The following NTMT2 variants were observed in gnomAD, a reference collection of about 807,000 sequenced individuals.
NTMT2 encodes the protein X-Pro-Lys N-terminal protein methyltransferase 1B.
A neutral mutation model predicts 23.4 loss-of-function variants in NTMT2; 21 were observed. The observed-to-expected ratio is 0.90, with a 90% CI of 0.64 to 1.29. The LOEUF (loss-of-function observed/expected upper bound fraction) is 1.29, where lower values mean the gene tolerates loss of function less well. NTMT2 is among the 50% of genes most tolerant of loss of function. NTMT2 has a pLI of 0.00. For synonymous variants in NTMT2, 131 were observed against 127.7 expected, an observed-to-expected ratio of 1.03 and a Z score of -0.17; for missense variants, 336 against 352.0, an observed-to-expected ratio of 0.95 and a Z score of 0.36.
chr1:170,163,657 G>A (rs1673317207), intron 2 of NTMT2, among the ~76,000 whole-genome samples: 1 of 152,150 alleles, frequency 6.6e-6, no homozygotes, highest in Non-Finnish European at 1.5e-5. Flanking sequence ...ATATTTTATA[G>A]TTTTTACACA....
chr1:170,168,269 G>A lies in NTMT2; in HGVS notation c.*512G>A, dbSNP rs1465984964. On this transcript the variant is annotated 3_prime_UTR_variant, in exon 4 of 4. Coordinates refer to ENST00000439373, the MANE Select transcript of NTMT2 (RefSeq NM_001136107.2). ...AAAAAAAAAAAGAAAAAGAAACAAT[G>A]CCCACATATTCCAAACTGTCTTGTT... Among the ~76,000 whole-genome samples the A allele has an allele frequency of 6.8e-6, 1 of 147,386 alleles. No homozygotes were observed. The highest frequency in any genetic ancestry group is 1.5e-5 in the Non-Finnish European group (1 of 67,204).
chr1:170,162,602 T>C (rs1404111449), intron 2 of NTMT2, among the ~76,000 whole-genome samples: 1 of 152,228 alleles, frequency 6.6e-6, no homozygotes, highest in Non-Finnish European at 1.5e-5. Flanking sequence ...AGAGAGTCAA[T>C]CTGCTAAGCG....
chr1:170,146,177 C>T lies in NTMT2; in HGVS notation c.70C>T (p.His24Tyr), dbSNP rs1467389750. The T allele has an allele frequency of 6.4e-7, 1 of 1,551,308 alleles. No individual in the cohort carries two copies. Among genetic ancestry groups the T allele is most frequent in the Non-Finnish European group, 8.7e-7 (1 of 1,146,974 alleles). Residue 24 changes from histidine (H) to tyrosine (Y), a missense_variant, in exon 1 of 4, where the codon CAT (histidine) becomes TAT (tyrosine). His to Tyr is a moderately conservative substitution (Grantham distance 83). Transcript: ENST00000439373. ...GAAGACCGACGATGAACTCTGTAGA[C>T]ATAGCATGTCTTTTATCCTTCACAA... ...WQKTDDELCR[H>Y]SMSFILHKAI...
At chr1:170,151,337 G>T (rs1164077826) in intron 1 of NTMT2, 3 of 154,252 alleles carry the variant, frequency 1.9e-5, no homozygotes, top group Non-Finnish European at 4.4e-5. Context: ...ATCCTCTCTT[G>T]CGTTGATCCC....
chr1:170,160,428 C>G, intron 1 of NTMT2, 90 bp from the exon 2 acceptor site: 1 of 1,198,242 alleles, frequency 8.3e-7, no homozygotes, highest in Non-Finnish European at 1.1e-6. Flanking sequence ...AGCACAGATT[C>G]ACAGGCTTTT....
intron 1 of NTMT2, among the ~76,000 whole-genome samples, chr1:170,149,886 A>T (rs1028298500): frequency 1.3e-5 from 2 of 152,212 alleles, no homozygotes; most frequent in African/African-American, 4.8e-5. Context: ...AATTCAAAAT[A>T]TGAGAGTTTT....
chr1:170,165,170 A>T (rs1438307827), intron 2 of NTMT2, among the ~76,000 whole-genome samples: 2 of 152,148 alleles, frequency 1.3e-5, no homozygotes, highest in Non-Finnish European at 2.9e-5. Context: ...CTAGCACAAA[A>T]CCGCTTCAGC....
chr1:170,154,359 G>T (rs1286465760), intron 1 of NTMT2, among the ~76,000 whole-genome samples: 3 of 124,288 alleles, frequency 2.4e-5, no homozygotes, highest in Non-Finnish European at 5.7e-5. Flanking sequence ...CTATCAGAAG[G>T]GGGTCAACTG....
intron 2 of NTMT2, among the ~76,000 whole-genome samples, chr1:170,162,969 G>C (rs1052567025): frequency 3.9e-5 from 6 of 152,006 alleles, no homozygotes; most frequent in Non-Finnish European, 8.8e-5. Context: ...CTCGTGGTGA[G>C]GCCGACTTTG....
chr1:170,151,996 G>T lies in NTMT2; in HGVS notation c.154+5735G>T, dbSNP rs559238602. 4.6e-5 allele frequency among the ~76,000 whole-genome samples: 7 copies of T among 152,198 alleles called. No individual in the cohort carries two copies. The South Asian group carries it at 1.5e-3, about 32-fold the overall frequency. On this transcript the variant is annotated intron_variant, in intron 1 of 3. Transcript: ENST00000439373. ...AGGTATTTCATAAATGATACCAAAG[G>T]TATGACTTATGTGTGCTTATGTCGG...
chr1:170,158,071 G>A (rs1673199798), intron 1 of NTMT2: 1 of 151,984 alleles, frequency 6.6e-6, no homozygotes, highest in Non-Finnish European at 1.5e-5. Flanking sequence ...CCCTCATTGG[G>A]CTGGAATATA....
chr1:170,164,723 G>T (rs1285169208), intron 2 of NTMT2, among the ~76,000 whole-genome samples: 1 of 152,188 alleles, frequency 6.6e-6, no homozygotes, highest in Non-Finnish European at 1.5e-5. Flanking sequence ...AATCAGAGGT[G>T]ACATCCCTAA....
At chr1:170,147,333 G>C in intron 1 of NTMT2, among the ~76,000 whole-genome samples, 1 of 152,058 alleles carries the variant, frequency 6.6e-6, no homozygotes, top group South Asian at 2.1e-4. Flanking sequence ...GATAGGGTAA[G>C]TTATCATTTT....
At chr1:170,148,579 G>A (rs1673011405) in intron 1 of NTMT2, among the ~76,000 whole-genome samples, 1 of 152,168 alleles carries the variant, frequency 6.6e-6, no homozygotes, top group Non-Finnish European at 1.5e-5. Flanking sequence ...GAGTCACAGA[G>A]CTAGCCTCAT....
chr1:170,153,850 A>G (rs559799435), intron 1 of NTMT2, among the ~76,000 whole-genome samples: 51 of 152,256 alleles, frequency 3.3e-4, no homozygotes, highest in African/African-American at 1.2e-3. Context: ...CACTTGCTAG[A>G]GAGATTTGCA....
In NTMT2 at chr1:170,164,820, C is replaced by T. The variant is rs531812426; in HGVS notation, c.331-1682C>T. On this transcript the variant is annotated intron_variant, in intron 2 of 3. Coordinates refer to ENST00000439373, the MANE Select transcript of NTMT2 (RefSeq NM_001136107.2). ...GAAATATTAGAAATCTGAGTTTTCT[C>T]ATCTCCAAAATGAGGATAATAATCT... Among the ~76,000 whole-genome samples the T allele has an allele frequency of 2.4e-3, 372 of 152,314 alleles. 2 individuals carry two copies. In the Middle Eastern group the frequency reaches 0.031, roughly 13 times the overall value.
At chr1:170,162,638 C>T (rs1330836282) in intron 2 of NTMT2, among the ~76,000 whole-genome samples, 2 of 152,174 alleles carry the variant, frequency 1.3e-5, no homozygotes, top group Admixed American at 1.3e-4. Flanking sequence ...CTCATTTACT[C>T]TTCATGCCAA....
intron 1 of NTMT2, among the ~76,000 whole-genome samples, chr1:170,150,169 C>T (rs1372191706): frequency 6.6e-6 from 1 of 152,192 alleles, no homozygotes; most frequent in Non-Finnish European, 1.5e-5. Context: ...TTCCTTCCTT[C>T]CTCCCTCCAA....
rs1181492114 is a variant in NTMT2 at position 170,167,588 on chromosome 1, G to A, written c.683G>A (p.Gly228Asp). The A allele has an allele frequency of 6.4e-7, 1 of 1,551,594 alleles. No homozygotes were observed. The highest frequency in any genetic ancestry group is 8.7e-7 in the Non-Finnish European group (1 of 1,146,998). Residue 228 changes from glycine (G) to aspartate (D), a missense_variant, in exon 4 of 4, where the codon GGC (glycine) becomes GAC (aspartate). Transcript: ENST00000439373. ...TTGAAGGACAATGTGGCCCGGGAGG[G>A]CTGTATCCTTGATCTCTCTGACAGC... ...IILKDNVARE[G>D]CILDLSDSSV... is the part of the protein sequence containing the mutation.
Sources: allele counts gnomAD v4.1 joint callset (sites outside exome capture counted in the v4.1 genomes callset), GRCh38; gene constraint gnomAD v4.1.1; transcripts MANE v1.5; gene names NCBI Gene and HGNC (gene_info 2026-07-23, HGNC 2026-07-21).